The following CLPTM1 variants were observed in gnomAD, a reference collection of about 807,000 sequenced individuals.
CLPTM1 encodes CLPTM1 regulator of GABA type A receptor forward trafficking, also known as putative lipid scramblase CLPTM1.
A neutral mutation model predicts 77.3 loss-of-function variants in CLPTM1; 21 were observed. The ratio of observed to expected loss-of-function variants is 0.27; its 90% CI spans 0.19 to 0.39. The LOEUF is 0.39. CLPTM1 is among the 10% of genes least tolerant of loss of function. The pLI is 1.00. For synonymous variants in CLPTM1, 373 were observed against 381.0 expected (o/e 0.98, Z 0.24); for missense variants, 642 against 921.2 (o/e 0.70, Z 3.92).
rs771775652 is a variant in CLPTM1 at position 44,992,393 on chromosome 19, G to A, written c.1716G>A (p.Leu572=). Residue 572 remains leucine, a synonymous_variant, in exon 13 of 14, where the codon CTG becomes CTA. Transcript: ENST00000337392. This position sits in a 1 kb window ranked among gnomAD's most constrained non-coding sequence, Gnocchi z 7.7. ...CCGTTATGTACCGGATCGGCTGCCT[G>A]CGGGACGGTGAGGCCCGGTGGGCAG... ...KMPVMYRIGC[L]RDDVVFFIYL... 3.1e-6 allele frequency: 5 copies of A among 1,614,114 alleles called. No homozygotes were observed. Among genetic ancestry groups the A allele is most frequent in the Non-Finnish European group, 4.2e-6 (5 of 1,179,990 alleles).
chr19:44,965,689 C>G (rs1315490033), intron 2 of CLPTM1, among the ~76,000 whole-genome samples: 1 of 152,106 alleles, frequency 6.6e-6, no homozygotes, highest in Non-Finnish European at 1.5e-5. Context: ...TGGCGGGCGC[C>G]TGTAGTCCCA....
upstream of CLPTM1, chr19:44,955,303 G>A (rs544215934): frequency 1.5e-4 from 219 of 1,435,254 alleles, no homozygotes; most frequent in African/African-American, 2.9e-3. Flanking sequence ...GTGGCCCGGC[G>A]GGGCTAGGAA....
In CLPTM1 at chr19:44,988,190, A is replaced by G. The variant is rs761225560; in HGVS notation, c.1132+17A>G. The G allele has an allele frequency of 6.4e-7, 1 of 1,573,142 alleles. No homozygotes were observed. The highest frequency in any genetic ancestry group is 2.2e-5 in the East Asian group (1 of 44,646). ...TCAAGAATGGTAGGAACAGGACCCC[A>G]GGGCTAGTGAGAGGCTGTGCAGGGT... On this transcript the variant is annotated intron_variant, in intron 9 of 13. Coordinates refer to ENST00000337392, the MANE Select transcript of CLPTM1 (RefSeq NM_001294.4).
chr19:44,969,189 TA>T (rs1263944231), intron 2 of CLPTM1, among the ~76,000 whole-genome samples: 5 of 152,216 alleles, frequency 3.3e-5, no homozygotes, highest in Non-Finnish European at 5.9e-5. Flanking sequence ...CAGATGTATA[TA>T]CACGCTATAT....
intron 2 of CLPTM1, among the ~76,000 whole-genome samples, chr19:44,967,549 C>T (rs1970653229): frequency 6.6e-6 from 1 of 151,580 alleles, no homozygotes. Flanking sequence ...CCCAGCTATT[C>T]AGGAGGCTGA....
At chr19:44,959,821 C>T (rs372045189) in intron 1 of CLPTM1, among the ~76,000 whole-genome samples, 10 of 152,342 alleles carry the variant, frequency 6.6e-5, no homozygotes, top group Admixed American at 2.6e-4. Context: ...CACATCCCTG[C>T]CAGCACTTGT....
intron 2 of CLPTM1, among the ~76,000 whole-genome samples, chr19:44,969,688 T>A (rs1219312993): frequency 2.7e-5 from 1 of 37,600 alleles, no homozygotes. Flanking sequence ...TTAAGGACAC[T>A]TTTTTTTTTT....
rs1971111641 is a variant in CLPTM1 at position 44,993,138 on chromosome 19, G to A, written c.*241G>A. 2 of 467,150 alleles carry A rather than the reference G, an allele frequency of 4.3e-6. No individual in the cohort carries two copies. Among genetic ancestry groups the A allele is most frequent in the Non-Finnish European group, 8.4e-6 (2 of 238,616 alleles). The allele number at this position is 467,150 out of a possible 1,614,324, so 28.9% of individuals were successfully genotyped here. ...CCAGCCATCTCGCCCTGCCAGCCCA[G>A]CACCACTGGGAATCATGGTGAAGCT... On this transcript the variant is annotated 3_prime_UTR_variant, in exon 14 of 14. Transcript: ENST00000337392.
chr19:44,966,304 G>A (rs1315927498), intron 2 of CLPTM1, among the ~76,000 whole-genome samples: 5 of 151,840 alleles, frequency 3.3e-5, no homozygotes, highest in East Asian at 1.9e-4. Flanking sequence ...CCAGCTACTC[G>A]GGAGGCTGAG....
intron 5 of CLPTM1, among the ~76,000 whole-genome samples, chr19:44,977,777 G>A (rs989212390): frequency 6.6e-6 from 1 of 152,132 alleles, no homozygotes; most frequent in Non-Finnish European, 1.5e-5. Flanking sequence ...GAAGGGCCAG[G>A]GTTGACTTTT....
In CLPTM1 at chr19:44,991,085, A is replaced by G. The variant is rs1216534069; in HGVS notation, c.1419+140A>G. 2.0e-5 allele frequency: 25 copies of G among 1,235,920 alleles called. No individual in the cohort carries two copies. The highest frequency in any genetic ancestry group is 3.4e-5 in the African/African-American group (1 of 29,050). The allele number at this position is 1,235,920 out of a possible 1,614,324, so 76.6% of individuals were successfully genotyped here. On this transcript the variant is annotated intron_variant, in intron 11 of 13. Coordinates refer to ENST00000337392, the MANE Select transcript of CLPTM1 (RefSeq NM_001294.4). This position sits in a 1 kb window ranked among gnomAD's most constrained non-coding sequence, Gnocchi z 5.4. ...TCCTCTGTGTCCCCCATCTGCCATA[A>G]CTGCTTCCCTGGGCGAGTCCGGAGT...
chr19:44,990,607 G>C lies in CLPTM1; in HGVS notation c.1323+22G>C. 1.2e-6 allele frequency: 2 copies of C among 1,610,108 alleles called. No individual in the cohort carries two copies. Among genetic ancestry groups the C allele is most frequent in the Non-Finnish European group, 8.5e-7 (1 of 1,177,428 alleles). On this transcript the variant is annotated intron_variant, in intron 10 of 13. Coordinates refer to ENST00000337392, the MANE Select transcript of CLPTM1 (RefSeq NM_001294.4). This position sits in a 1 kb window ranked among gnomAD's most constrained non-coding sequence, Gnocchi z 4.8. ...CCGGGTAAGGCTGGGGCGCCATGCTGTCTCGGGAGCTGCAGGGGTTGGGAG... is the reference window on the plus strand; with the variant it reads ...CCGGGTAAGGCTGGGGCGCCATGCTCTCTCGGGAGCTGCAGGGGTTGGGAG...
At chr19:44,966,196 G>A (rs945096623) in intron 2 of CLPTM1, among the ~76,000 whole-genome samples, 8 of 152,310 alleles carry the variant, frequency 5.3e-5, no homozygotes, top group East Asian at 1.9e-4. Context: ...TGGATCACGA[G>A]GTTAGGAGAT....
chr19:44,962,140 A>G (rs1028224901), intron 2 of CLPTM1, 65 bp downstream of exon 2: 249 of 1,019,042 alleles, frequency 2.4e-4, no homozygotes, highest in Admixed American at 8.1e-4. Flanking sequence ...AAGAAAGGAA[A>G]AGTCAGCTGA....
upstream of CLPTM1, chr19:44,955,367 C>CGGGG: frequency 2.0e-6 from 1 of 501,568 alleles, no homozygotes; most frequent in Non-Finnish European, 2.6e-6. Flanking sequence ...GCGGGGCTGG[C>CGGGG]GGCGGGGGCG....
At chr19:44,984,783 T>C (rs1970952131) in intron 5 of CLPTM1, among the ~76,000 whole-genome samples, 1 of 152,182 alleles carries the variant, frequency 6.6e-6, no homozygotes, top group Non-Finnish European at 1.5e-5. Flanking sequence ...ACCTCCCTAG[T>C]TCAAGCGATT....
At chr19:44,957,081 G>A (rs1375600655) in intron 1 of CLPTM1, among the ~76,000 whole-genome samples, 1 of 152,196 alleles carries the variant, frequency 6.6e-6, no homozygotes, top group African/African-American at 2.4e-5. Context: ...ATTGCCAAAT[G>A]TTCCAAGAGC....
intron 7 of CLPTM1, 88 bp downstream of exon 7, chr19:44,986,663 C>G (rs568694846): frequency 1.3e-6 from 2 of 1,508,886 alleles, no homozygotes; most frequent in East Asian, 2.3e-5. Context: ...GCCCTGTCCC[C>G]CTGAGAGAGC....
upstream of CLPTM1, chr19:44,955,283 G>T: frequency 1.4e-6 from 2 of 1,458,590 alleles, no homozygotes; most frequent in Non-Finnish European, 1.8e-6. Flanking sequence ...CGGCACTCTT[G>T]CCGGATAGGG....
Sources: allele counts gnomAD v4.1 joint callset (sites outside exome capture counted in the v4.1 genomes callset), GRCh38; gene constraint gnomAD v4.1.1; non-coding constraint Gnocchi (gnomAD v3.1); transcripts MANE v1.5; gene names NCBI Gene and HGNC (gene_info 2026-07-23, HGNC 2026-07-21).